COBL: variants seen among roughly 807,000 people sequenced by gnomAD.
COBL encodes the protein cordon-bleu WH2 repeat protein, also known as protein cordon-bleu.
COBL carries 51 observed loss-of-function variants against 98.8 expected under a neutral mutation model. That is an observed-to-expected ratio of 0.52 (90% CI 0.41 to 0.65). COBL has a LOEUF of 0.65. Ranked by LOEUF, COBL falls within the 30% of genes least tolerant of loss-of-function variation. The probability of loss-of-function intolerance (pLI) is 0.00; values close to 1 mark genes in which losing one functional copy is unlikely to be tolerated. For synonymous variants in COBL, 634 were observed against 651.7 expected (o/e 0.97, Z 0.41); for missense variants, 1,617 against 1,617.5 (o/e 1.00, Z 0.01).
chr7:51,247,554 C>T (rs1286725411), intron 1 of COBL, among the ~76,000 whole-genome samples: 1 of 152,086 alleles, frequency 6.6e-6, no homozygotes, highest in Admixed American at 6.5e-5. Flanking sequence ...GGACACTGGA[C>T]AGGTAGGGAC....
chr7:51,082,976 A>C (rs1583722407), intron 7 of COBL: 1 of 1,352,188 alleles, frequency 7.4e-7, no homozygotes, highest in Non-Finnish European at 1.0e-6. Flanking sequence ...AAGAATGGAA[A>C]ATCTGGAAAC....
intron 1 of COBL, among the ~76,000 whole-genome samples, chr7:51,263,551 T>TC (rs1473106543): frequency 2.0e-5 from 3 of 152,200 alleles, no homozygotes; most frequent in East Asian, 3.9e-4. Flanking sequence ...TTTTTTTTTT[T>TC]CACACAGTGG....
chr7:51,295,210 G>A (rs1188530835), intron 1 of COBL, among the ~76,000 whole-genome samples: 6 of 151,548 alleles, frequency 4.0e-5, no homozygotes, highest in African/African-American at 7.3e-5. Context: ...CGCTTGAACC[G>A]GGGAGGCAGA....
chr7:51,115,900 G>C (rs538226966), intron 6 of COBL, among the ~76,000 whole-genome samples: 7 of 151,832 alleles, frequency 4.6e-5, no homozygotes, highest in Admixed American at 6.6e-5. Context: ...TCTGTTATTA[G>C]GTACATACAC....
At chr7:51,163,691 A>T (rs1787033751) in intron 5 of COBL, among the ~76,000 whole-genome samples, 1 of 152,224 alleles carries the variant, frequency 6.6e-6, no homozygotes, top group Non-Finnish European at 1.5e-5. Context: ...ATAGTATTCA[A>T]TCATGTAGCT....
At chr7:51,250,682 T>A (rs1385977068) in intron 1 of COBL, among the ~76,000 whole-genome samples, 1 of 152,236 alleles carries the variant, frequency 6.6e-6, no homozygotes, top group Non-Finnish European at 1.5e-5. Context: ...ACCTTAAACA[T>A]TGGACCCATA....
chr7:51,027,151 A>G (rs1787657653), intron 10 of COBL, among the ~76,000 whole-genome samples: 1 of 152,218 alleles, frequency 6.6e-6, no homozygotes, highest in South Asian at 2.1e-4. Flanking sequence ...CCTTGGCCTC[A>G]CTGTGCCTCA....
intron 6 of COBL, among the ~76,000 whole-genome samples, chr7:51,102,321 C>T (rs573813104): frequency 1.2e-4 from 18 of 152,200 alleles, no homozygotes; most frequent in Admixed American, 1.0e-3. Flanking sequence ...GCATTTGCTC[C>T]ACTTTGGTTT....
chr7:51,265,071 T>A (rs1196434908), intron 1 of COBL, among the ~76,000 whole-genome samples: 3 of 152,174 alleles, frequency 2.0e-5, no homozygotes, highest in Admixed American at 1.3e-4. Context: ...AGCAGCCCGA[T>A]GCCCGACAAC....
intron 2 of COBL, among the ~76,000 whole-genome samples, chr7:51,197,533 C>T (rs780757862): frequency 2.6e-5 from 4 of 152,080 alleles, no homozygotes; most frequent in Admixed American, 1.3e-4. Context: ...CTACCAGGTC[C>T]ATCTGATCCA....
At chr7:51,285,022 A>G (rs1297489344) in intron 1 of COBL, among the ~76,000 whole-genome samples, 1 of 149,618 alleles carries the variant, frequency 6.7e-6, no homozygotes, top group African/African-American at 2.5e-5. Context: ...ATCTTGGCTC[A>G]CTGCAACCTC....
chr7:51,064,644 A>T (rs972181196), intron 7 of COBL: 1 of 152,820 alleles, frequency 6.5e-6, no homozygotes, highest in Non-Finnish European at 1.5e-5. Flanking sequence ...CAGTGAGTAG[A>T]GTATCAGATT....
At chr7:51,260,893 C>G (rs1417986522) in intron 1 of COBL, among the ~76,000 whole-genome samples, 1 of 152,192 alleles carries the variant, frequency 6.6e-6, no homozygotes, top group Non-Finnish European at 1.5e-5. Context: ...GCCATGACTT[C>G]TCTGGAGGGA....
At chr7:51,216,214 T>G (rs1793030071) in intron 2 of COBL, among the ~76,000 whole-genome samples, 1 of 152,172 alleles carries the variant, frequency 6.6e-6, no homozygotes, top group Admixed American at 6.5e-5. Context: ...GAGTCTCAAC[T>G]CTGTTGCCCA....
intron 6 of COBL, among the ~76,000 whole-genome samples, chr7:51,134,613 A>G (rs943428002): frequency 1.3e-5 from 2 of 152,348 alleles, no homozygotes; most frequent in African/African-American, 2.4e-5. Context: ...AGCTGACATA[A>G]TATTGATCCT....
chr7:51,056,812 AACACACAC>A (rs3047115), intron 7 of COBL, among the ~76,000 whole-genome samples: 6,734 of 143,648 alleles, frequency 0.047, 516 homozygotes, highest in African/African-American at 0.16. Flanking sequence ...GTGCTCTCCC[AACACACAC>A]ACACACACAC....
chr7:51,153,647 C>A (rs1171707940), intron 5 of COBL, among the ~76,000 whole-genome samples: 2 of 152,236 alleles, frequency 1.3e-5, no homozygotes, highest in Non-Finnish European at 2.9e-5. Context: ...AGTGAACTCA[C>A]ACGACTTCTT....
chr7:51,029,261 C>A lies in COBL; in HGVS notation c.1835G>T (p.Arg612Leu). The change falls in exon 10 of 13, where the codon CGT (arginine) becomes CTT (leucine). Residue 612 changes from arginine (R) to leucine (L), a missense_variant. By Grantham distance (102) the Arg-to-Leu change is moderately radical. Around this residue, in one of 3 missense-constraint regions of COBL, gnomAD observed 1,304 missense variants for 1,282.0 expected, o/e 1.02. Coordinates refer to ENST00000265136, the MANE Select transcript of COBL (RefSeq NM_015198.5). ...PASHDVGKGI[R>L]VALSNISKDG... Reference sequence around the variant, plus strand: ...TTTAGAGATGTTAGATAAGGCCACACGGATTCCTTTTCCGACGTCATGGGA... The same window carrying A: ...TTTAGAGATGTTAGATAAGGCCACAAGGATTCCTTTTCCGACGTCATGGGA... 6.2e-7 allele frequency: 1 copy of A among 1,610,734 alleles called. No homozygotes were observed. Among genetic ancestry groups the A allele is most frequent in the Non-Finnish European group, 8.5e-7 (1 of 1,177,996 alleles).
intron 1 of COBL, among the ~76,000 whole-genome samples, chr7:51,262,859 A>G (rs1563101671): frequency 6.6e-6 from 1 of 152,106 alleles, no homozygotes; most frequent in Non-Finnish European, 1.5e-5. Flanking sequence ...CCCTGGTAGG[A>G]GGCAGGGCAG....
Sources: allele counts gnomAD v4.1 joint callset (sites outside exome capture counted in the v4.1 genomes callset), GRCh38; gene constraint gnomAD v4.1.1; regional missense constraint gnomAD v4.1.1; transcripts MANE v1.5; gene names NCBI Gene and HGNC (gene_info 2026-07-23, HGNC 2026-07-21).